Variants in PLCH1 observed in about 807,000 individuals in gnomAD.
PLCH1 encodes phospholipase C eta 1.
A neutral mutation model predicts 126.7 loss-of-function variants in PLCH1; 60 were observed. The ratio of observed to expected loss-of-function variants is 0.47; its 90% CI spans 0.38 to 0.59. The LOEUF (loss-of-function observed/expected upper bound fraction) is 0.59. Among genes scored for constraint, PLCH1 ranks in the 20% least tolerant of loss-of-function variants. PLCH1 has a pLI of 0.00. For synonymous variants in PLCH1, 719 were observed against 734.9 expected (o/e 0.98, Z 0.35); for missense variants, 1,723 against 2,040.0 (o/e 0.84, Z 2.99).
intron 21 of PLCH1, among the ~76,000 whole-genome samples, chr3:155,468,159 T>C (rs1713000160): frequency 6.6e-6 from 1 of 152,226 alleles, no homozygotes; most frequent in Non-Finnish European, 1.5e-5. Flanking sequence ...GCTTGTTTGT[T>C]TATGCAAATA....
chr3:155,722,301 T>C (rs1748010608), intron 1 of PLCH1, among the ~76,000 whole-genome samples: 1 of 152,014 alleles, frequency 6.6e-6, no homozygotes, highest in East Asian at 2.0e-4. Context: ...GTAGCTGGGA[T>C]TAAGGCACGC....
chr3:155,655,474 T>G (rs1400982254), intron 2 of PLCH1, among the ~76,000 whole-genome samples: 1 of 152,026 alleles, frequency 6.6e-6, no homozygotes, highest in Non-Finnish European at 1.5e-5. Context: ...ATATTCCCCT[T>G]TAGTCGCTAT....
At chr3:155,612,554 A>G (rs1735247935) in intron 2 of PLCH1, among the ~76,000 whole-genome samples, 1 of 152,072 alleles carries the variant, frequency 6.6e-6, no homozygotes, top group Admixed American at 6.6e-5. Context: ...AGATAAATGA[A>G]CAAAAAGCTG....
intron 21 of PLCH1, among the ~76,000 whole-genome samples, chr3:155,458,494 GAAAGAGAAAGAAGA>G (rs1560027406): frequency 2.3e-5 from 2 of 87,060 alleles, no homozygotes; most frequent in African/African-American, 1.3e-4. Context: ...AAGAAAGAAA[GAAAGAGAAAGAAGA>G]GAGAGAAATA....
chr3:155,472,059 G>T (rs1713282821), intron 21 of PLCH1, among the ~76,000 whole-genome samples: 1 of 152,074 alleles, frequency 6.6e-6, no homozygotes, highest in African/African-American at 2.4e-5. Flanking sequence ...CTAGCAGAAG[G>T]CAAGAAATAA....
intron 1 of PLCH1, among the ~76,000 whole-genome samples, chr3:155,717,321 C>T (rs1247722317): frequency 1.3e-5 from 2 of 152,246 alleles, no homozygotes; most frequent in South Asian, 2.1e-4. Context: ...AGTTGGCCCC[C>T]TTCCCACAGT....
intron 2 of PLCH1, 21 bp downstream of exon 2, chr3:155,704,125 T>C (rs1438087659): frequency 1.3e-5 from 14 of 1,107,982 alleles, no homozygotes; most frequent in African/African-American, 1.6e-5. Flanking sequence ...TCCAACTACA[T>C]AAATACAAGA....
chr3:155,743,256 G>T (rs937429447), intron 1 of PLCH1: 1 of 454,544 alleles, frequency 2.2e-6, no homozygotes, highest in East Asian at 7.0e-5. Context: ...CATCTGCTGG[G>T]CGCGGTGGCT....
chr3:155,600,973 G>C (rs1260219413), intron 2 of PLCH1, among the ~76,000 whole-genome samples: 1 of 152,112 alleles, frequency 6.6e-6, no homozygotes, highest in African/African-American at 2.4e-5. Context: ...TAATAATGTG[G>C]TCTACAAGGT....
chr3:155,586,676 G>A (rs1731420683), intron 4 of PLCH1, among the ~76,000 whole-genome samples: 1 of 150,864 alleles, frequency 6.6e-6, no homozygotes, highest in African/African-American at 2.4e-5. Context: ...TCCAGCCTGG[G>A]TGACAAGAAT....
chr3:155,656,844 A>G (rs1042387513), intron 2 of PLCH1, among the ~76,000 whole-genome samples: 3 of 152,214 alleles, frequency 2.0e-5, no homozygotes, highest in African/African-American at 7.2e-5. Context: ...ATTGAAAGGG[A>G]AATAAAATTA....
At chr3:155,571,033 C>A (rs918492554) in intron 6 of PLCH1, among the ~76,000 whole-genome samples, 2 of 152,152 alleles carry the variant, frequency 1.3e-5, no homozygotes, top group African/African-American at 4.8e-5. Context: ...TTCAGATAAA[C>A]AAGTTGTAGA....
rs73156538 is a variant in PLCH1, at chr3:155,644,966, G to A, written c.80-48588C>T. Among the ~76,000 whole-genome samples the A allele has an allele frequency of 3.9e-3, 592 of 152,220 alleles. 6 individuals are homozygous for A. Among genetic ancestry groups the A allele is most frequent in the South Asian group, 0.026 (127 of 4,810 alleles). On this transcript the variant is annotated intron_variant, in intron 2 of 22. Coordinates refer to ENST00000460012, the MANE Select transcript of PLCH1 (RefSeq NM_014996.4). Reference sequence around the variant, plus strand: ...AATTTCTTTTTTACTTATTCTTGGTGAGATATAGCTACTTCATTTACACAG... The same window carrying A: ...AATTTCTTTTTTACTTATTCTTGGTAAGATATAGCTACTTCATTTACACAG...
In PLCH1 at chr3:155,597,659, A is replaced by G. The variant is rs143967378; in HGVS notation, c.80-1281T>C. On this transcript the variant is annotated intron_variant, in intron 2 of 22. Transcript: ENST00000460012. ...AAATATTTTATCTTAACTAGGAAAG[A>G]TAATCTCATCCAACACCTTAACATT... Among the ~76,000 whole-genome samples the G allele has an allele frequency of 6.5e-3, 985 of 152,294 alleles. 16 individuals carry two copies. The highest frequency in any genetic ancestry group is 0.022 in the African/African-American group (931 of 41,562).
intron 2 of PLCH1, among the ~76,000 whole-genome samples, chr3:155,676,860 T>C (rs1242608917): frequency 6.6e-6 from 1 of 152,142 alleles, no homozygotes; most frequent in Admixed American, 6.5e-5. Context: ...ATCACATGCC[T>C]GTGGACGTGG....
chr3:155,614,220 G>A (rs895022717), intron 2 of PLCH1, among the ~76,000 whole-genome samples: 1 of 152,068 alleles, frequency 6.6e-6, no homozygotes, highest in African/African-American at 2.4e-5. Context: ...TGACCATGCT[G>A]CCAAAAGCAA....
At chr3:155,645,421 A>G (rs1739908034) in intron 2 of PLCH1, among the ~76,000 whole-genome samples, 2 of 152,184 alleles carry the variant, frequency 1.3e-5, no homozygotes, top group Non-Finnish European at 2.9e-5. Flanking sequence ...TACTCCTAGT[A>G]TAAGACACAT....
chr3:155,640,112 A>G (rs1162316659), intron 2 of PLCH1, among the ~76,000 whole-genome samples: 3 of 152,210 alleles, frequency 2.0e-5, no homozygotes, highest in South Asian at 2.1e-4. Flanking sequence ...ACAAACCTCT[A>G]TCTCTGCTGA....
chr3:155,483,521 A>G lies in PLCH1; in HGVS notation c.2975-470T>C, dbSNP rs537746580. 7 of 445,082 alleles carry G rather than the reference A, an allele frequency of 1.6e-5. 1 individual carries two copies. The South Asian group carries it at 6.0e-4, about 38-fold the overall frequency. The allele number at this position is 445,082 out of a possible 1,614,324, so 27.6% of individuals were successfully genotyped here. A position where few individuals can be genotyped will look rare whatever the true frequency, so the allele number is the denominator to read the frequency against. ...AAAAGAAGAAAAGAAGAAAAACATA[A>G]TAATATCATTTTCAAAACATTTTGG... On this transcript the variant is annotated intron_variant, in intron 22 of 22. Coordinates refer to ENST00000460012, the MANE Select transcript of PLCH1 (RefSeq NM_014996.4).
Sources: gnomAD v4.1 joint callset for allele counts (sites outside exome capture counted in the v4.1 genomes callset) on GRCh38, gnomAD v4.1.1 for gene constraint, MANE v1.5 for transcripts, NCBI Gene and HGNC (gene_info 2026-07-23, HGNC 2026-07-21) for gene names.